Variants in ARHGAP18 observed in about 807,000 individuals in gnomAD.
ARHGAP18 encodes the protein rho GTPase-activating protein 18.
ARHGAP18 carries 67 observed loss-of-function variants against 86.2 expected under a neutral mutation model. The observed-to-expected ratio is 0.78, with a 90% CI of 0.64 to 0.95. The LOEUF is 0.95. ARHGAP18 is among the 40% of genes least tolerant of loss of function. The pLI, the probability that ARHGAP18 is intolerant of heterozygous loss-of-function variation, is 0.00. For synonymous variants in ARHGAP18, 283 were observed against 280.4 expected (o/e 1.01, Z -0.09); for missense variants, 691 against 780.4 (o/e 0.89, Z 1.37).
At chr6:129,618,542 C>T in intron 6 of ARHGAP18, 145 bp downstream of exon 6, 2 of 733,172 alleles carry the variant, frequency 2.7e-6, no homozygotes, top group Non-Finnish European at 4.2e-6. Flanking sequence ...TTGAAGGCAA[C>T]ATCTTAGAAT....
Position 129,578,616 on chromosome 6 carries a change from G to A in ARHGAP18, c.1901-12C>T, listed in dbSNP as rs1355831459. Reference sequence around the variant, plus strand: ...AAGGCAGCGTTCCCCTGTTAAAATAGATGTTGTGTCAGTTTAATACAGCAG... The same window carrying A: ...AAGGCAGCGTTCCCCTGTTAAAATAAATGTTGTGTCAGTTTAATACAGCAG... On this transcript the variant is annotated splice_polypyrimidine_tract_variant and intron_variant, in intron 14 of 14. Transcript: ENST00000368149. 1.0e-5 allele frequency: 16 copies of A among 1,602,306 alleles called. No homozygotes were observed. The highest frequency in any genetic ancestry group is 2.7e-5 in the African/African-American group (2 of 74,560).
chr6:129,604,405 C>T (rs1463002159), intron 10 of ARHGAP18, among the ~76,000 whole-genome samples: 1 of 152,176 alleles, frequency 6.6e-6, no homozygotes, highest in African/African-American at 2.4e-5. Flanking sequence ...CCTACAACTA[C>T]TTGAACTCAT....
intron 8 of ARHGAP18, among the ~76,000 whole-genome samples, chr6:129,611,203 T>G (rs944440188): frequency 1.3e-5 from 2 of 152,192 alleles, no homozygotes; most frequent in South Asian, 4.1e-4. Flanking sequence ...CGCCCGGCCC[T>G]GACTTCCGTA....
chr6:129,686,996 T>TTTTTTTTTG (rs1774440221), intron 1 of ARHGAP18, among the ~76,000 whole-genome samples: 1 of 133,974 alleles, frequency 7.5e-6, no homozygotes. Context: ...TTTTTTTTTT[T>TTTTTTTTTG]GTATTTTTGT....
At chr6:129,610,147 G>A (rs1788946784) in intron 8 of ARHGAP18, among the ~76,000 whole-genome samples, 1 of 152,210 alleles carries the variant, frequency 6.6e-6, no homozygotes, top group Admixed American at 6.5e-5. Context: ...CTATCTCAGT[G>A]CAGAGCTAAA....
At chr6:129,611,346 CA>C (rs1475728408) in intron 8 of ARHGAP18, among the ~76,000 whole-genome samples, 186 bp downstream of exon 8, 14 of 151,950 alleles carry the variant, frequency 9.2e-5, no homozygotes, top group Admixed American at 7.9e-4. Context: ...CAAAACAAAA[CA>C]AAAAACTTAG....
intron 2 of ARHGAP18, among the ~76,000 whole-genome samples, chr6:129,640,058 A>AC (rs1230409543): frequency 5.3e-5 from 8 of 151,166 alleles, no homozygotes; most frequent in Non-Finnish European, 1.2e-4. Flanking sequence ...AAAAAAAAAA[A>AC]AAAAAACAAA....
chr6:129,650,717 C>G (rs576441921), intron 1 of ARHGAP18, among the ~76,000 whole-genome samples: 25 of 152,200 alleles, frequency 1.6e-4, no homozygotes, highest in Admixed American at 1.2e-3. Flanking sequence ...CCACCTGATA[C>G]CCTGGACCTG....
At chr6:129,627,641 T>G (rs961032735) in intron 5 of ARHGAP18, among the ~76,000 whole-genome samples, 2 of 147,910 alleles carry the variant, frequency 1.4e-5, no homozygotes, top group Non-Finnish European at 3.0e-5. Flanking sequence ...GAGGAAGGGA[T>G]AGAGGGAAAG....
intron 4 of ARHGAP18, among the ~76,000 whole-genome samples, chr6:129,633,266 T>A (rs1297572770): frequency 7.6e-6 from 1 of 132,264 alleles, no homozygotes. Context: ...TGTCTCTACT[T>A]AAAAAAAAAA....
At chr6:129,606,424 G>A (rs1032326760) in intron 9 of ARHGAP18, among the ~76,000 whole-genome samples, 21 of 152,130 alleles carry the variant, frequency 1.4e-4, no homozygotes, top group Admixed American at 7.2e-4. Context: ...GAACACAATA[G>A]GTGCTTATAA....
intron 1 of ARHGAP18, among the ~76,000 whole-genome samples, chr6:129,693,356 T>C (rs1161827796): frequency 6.6e-6 from 1 of 152,216 alleles, no homozygotes; most frequent in Non-Finnish European, 1.5e-5. Flanking sequence ...GGCAGTGGTG[T>C]TCTCAAAGCA....
chr6:129,624,424 G>T (rs1333682718), intron 5 of ARHGAP18, among the ~76,000 whole-genome samples: 1 of 152,066 alleles, frequency 6.6e-6, no homozygotes, highest in African/African-American at 2.4e-5. Flanking sequence ...CTGCTACTCG[G>T]GAGGCTGAGG....
intron 3 of ARHGAP18, among the ~76,000 whole-genome samples, chr6:129,636,907 T>C (rs75443107): frequency 0.011 from 1,689 of 152,346 alleles, 48 homozygotes; most frequent in Admixed American, 0.067. Context: ...ACCTTTTTTC[T>C]GGCAGCAAGA....
intron 12 of ARHGAP18, among the ~76,000 whole-genome samples, chr6:129,586,096 A>G (rs1451945849): frequency 6.6e-6 from 1 of 152,194 alleles, no homozygotes; most frequent in East Asian, 1.9e-4. Flanking sequence ...TATTAAATCA[A>G]TGGTGTAACA....
At chr6:129,591,142 G>C (rs13216180) in intron 12 of ARHGAP18, among the ~76,000 whole-genome samples, 2,967 of 152,186 alleles carry the variant, frequency 0.019, 43 homozygotes, top group Non-Finnish European at 0.032. Context: ...ATGCTGTATC[G>C]AATACTGAAG....
intron 14 of ARHGAP18, 143 bp from the exon 15 acceptor site, chr6:129,578,747 T>G: frequency 3.6e-6 from 2 of 559,816 alleles, no homozygotes; most frequent in Non-Finnish European, 6.0e-6. Flanking sequence ...GCAGATTGGT[T>G]GAGATCAGGA....
intron 1 of ARHGAP18, among the ~76,000 whole-genome samples, chr6:129,646,508 A>G (rs1415860978): frequency 6.6e-6 from 1 of 152,172 alleles, no homozygotes; most frequent in Non-Finnish European, 1.5e-5. Flanking sequence ...GCTTTGGCTT[A>G]TGTAGGCGAT....
intron 1 of ARHGAP18, among the ~76,000 whole-genome samples, chr6:129,685,906 A>T (rs1774416146): frequency 6.6e-6 from 1 of 152,180 alleles, no homozygotes; most frequent in Admixed American, 6.5e-5. Context: ...TTTTTGCAAC[A>T]ACCCTGCCTG....
Sources: allele counts gnomAD v4.1 joint callset (sites outside exome capture counted in the v4.1 genomes callset), GRCh38; gene constraint gnomAD v4.1.1; transcripts MANE v1.5; gene names NCBI Gene and HGNC (gene_info 2026-07-23, HGNC 2026-07-21).